The following NXNL2 variants were observed in gnomAD, a reference collection of about 807,000 sequenced individuals.
NXNL2 encodes the protein nucleoredoxin like 2.
NXNL2 carries 7 observed loss-of-function variants against 11.1 expected under a neutral mutation model. The observed-to-expected ratio is 0.63, with a 90% CI of 0.36 to 1.18. The LOEUF (loss-of-function observed/expected upper bound fraction) is 1.18. Among genes scored for constraint, NXNL2 ranks in the 50% most tolerant of loss-of-function variants. The probability of loss-of-function intolerance (pLI) is 0.02; values close to 1 mark genes in which losing one functional copy is unlikely to be tolerated. For missense variants in NXNL2, 233 were observed against 217.7 expected (o/e 1.07, Z -0.44); for synonymous variants, 109 against 101.8 (o/e 1.07, Z -0.42).
At chr9:88,555,340 G>A (rs1172639672) in intron 1 of NXNL2, among the ~76,000 whole-genome samples, 1 of 152,120 alleles carries the variant, frequency 6.6e-6, no homozygotes, top group Admixed American at 6.5e-5. Flanking sequence ...CTCAAAACCC[G>A]GGGTTCCTCC....
intron 1 of NXNL2, 99 bp downstream of exon 1, chr9:88,535,835 C>CA (rs899608782): frequency 1.1e-5 from 10 of 876,154 alleles, no homozygotes; most frequent in Non-Finnish European, 1.7e-5. Flanking sequence ...TATGACGCCC[C>CA]CCCCCAACAC....
At chr9:88,568,429 C>T (rs566740735) in intron 1 of NXNL2, among the ~76,000 whole-genome samples, 1 of 152,228 alleles carries the variant, frequency 6.6e-6, no homozygotes, top group East Asian at 1.9e-4. Flanking sequence ...CCCAGCTCCG[C>T]ACTGGGGAGG....
At chr9:88,566,859 G>A (rs951684257) in intron 1 of NXNL2, among the ~76,000 whole-genome samples, 3 of 151,970 alleles carry the variant, frequency 2.0e-5, no homozygotes, top group Admixed American at 2.0e-4. Flanking sequence ...TGATGCTATT[G>A]AAAATGGTAT....
chr9:88,574,965 C>T (rs1425170073), intron 2 of NXNL2: 1 of 168,524 alleles, frequency 5.9e-6, no homozygotes, highest in Non-Finnish European at 1.2e-5. Context: ...CGTTGCATAA[C>T]TTACTTTAAA....
chr9:88,538,216 T>C (rs1039817260), intron 1 of NXNL2, among the ~76,000 whole-genome samples: 1 of 152,184 alleles, frequency 6.6e-6, no homozygotes, highest in Non-Finnish European at 1.5e-5. Context: ...GCATGGGGAT[T>C]TGAGGGCTGG....
intron 1 of NXNL2, among the ~76,000 whole-genome samples, chr9:88,540,369 A>G (rs1450571922): frequency 6.6e-6 from 1 of 151,496 alleles, no homozygotes; most frequent in African/African-American, 2.4e-5. Flanking sequence ...CAGGATTCTT[A>G]AGATGCTAGA....
At chr9:88,539,968 C>T (rs1356488585) in intron 1 of NXNL2, among the ~76,000 whole-genome samples, 1 of 152,032 alleles carries the variant, frequency 6.6e-6, no homozygotes, top group Non-Finnish European at 1.5e-5. Flanking sequence ...CAGGCGTGAG[C>T]CACCGCACCT....
intron 1 of NXNL2, among the ~76,000 whole-genome samples, 173 bp from the exon 2 acceptor site, chr9:88,544,206 C>T (rs560551806): frequency 2.6e-5 from 4 of 152,062 alleles, no homozygotes; most frequent in Non-Finnish European, 5.9e-5. Flanking sequence ...GAAATAGTAG[C>T]ACCAAGAAGA....
downstream of NXNL2, among the ~76,000 whole-genome samples, chr9:88,578,042 C>T (rs1830366767): frequency 6.6e-6 from 1 of 152,216 alleles, no homozygotes; most frequent in South Asian, 2.1e-4. Flanking sequence ...ATTGGGAAGA[C>T]TTCACGTGAA....
downstream of NXNL2, among the ~76,000 whole-genome samples, chr9:88,576,362 C>T (rs1587857974): frequency 6.6e-6 from 1 of 152,330 alleles, no homozygotes; most frequent in Middle Eastern, 3.4e-3. Flanking sequence ...GCTTCTTTCT[C>T]ACGTTGGGGA....
Position 88,544,582 on chromosome 9 carries a change from T to C in NXNL2, c.*35T>C. 6.7e-7 allele frequency: 1 copy of C among 1,485,180 alleles called. No individual in the cohort carries two copies. The allele number at this position is 1,485,180 out of a possible 1,614,324, so 92.0% of individuals were successfully genotyped here. A position where few individuals can be genotyped will look rare whatever the true frequency, so the allele number is the denominator to read the frequency against. ...GACCTCAGAGGGCCAGGACAGGTGC[T>C]GCTTCTCCAGCACCGACGCTGGGGC... On this transcript the variant is annotated 3_prime_UTR_variant, in exon 2 of 2. Transcript: ENST00000375854.
At chr9:88,569,336 T>G (rs1432349421) in intron 1 of NXNL2, among the ~76,000 whole-genome samples, 2 of 152,206 alleles carry the variant, frequency 1.3e-5, no homozygotes, top group Non-Finnish European at 2.9e-5. Context: ...TTCTTCCTTT[T>G]TTTTCTTCCT....
intron 1 of NXNL2, among the ~76,000 whole-genome samples, chr9:88,556,072 A>G (rs953772250): frequency 6.6e-6 from 1 of 152,148 alleles, no homozygotes; most frequent in Admixed American, 6.5e-5. Flanking sequence ...GCAACCCTGG[A>G]GCCCCAAGCG....
intron 1 of NXNL2, among the ~76,000 whole-genome samples, chr9:88,582,201 G>A (rs1830415388): frequency 6.6e-6 from 1 of 152,220 alleles, no homozygotes; most frequent in African/African-American, 2.4e-5. Context: ...GTCTAGACCT[G>A]GGTGCAGTGG....
intron 1 of NXNL2, among the ~76,000 whole-genome samples, chr9:88,542,628 T>C (rs574242945): frequency 4.6e-5 from 7 of 152,308 alleles, no homozygotes; most frequent in Non-Finnish European, 1.0e-4. Context: ...TCCATTACCA[T>C]TGGTCTGATT....
intron 1 of NXNL2, among the ~76,000 whole-genome samples, chr9:88,560,241 G>A (rs560028374): frequency 3.9e-4 from 59 of 151,866 alleles, no homozygotes; most frequent in Middle Eastern, 3.4e-3. Context: ...TCTGCCAGCG[G>A]GAGGTTCTCC....
rs1406342673 is a variant in NXNL2, at chr9:88,535,690, C to G, written c.256C>G (p.Leu86Val). 1 of 1,601,396 alleles carries G rather than the reference C, an allele frequency of 6.2e-7. No individual in the cohort carries two copies. The highest frequency in any genetic ancestry group is 1.7e-5 in the Admixed American group (1 of 59,330). Reference sequence around the variant, plus strand: ...GGAGATGCTGGACTTCATGCGCGAGCTGCATGGCGCCTGGCTGGCGCTGCC... The same window carrying G: ...GGAGATGCTGGACTTCATGCGCGAGGTGCATGGCGCCTGGCTGGCGCTGCC... ...SQEMLDFMRE[L>V]HGAWLALPFH... Residue 86 changes from leucine to valine, a missense_variant, in exon 1 of 2, where the codon CTG becomes GTG. Transcript: ENST00000375854.
At chr9:88,571,867 C>T (rs1830271207) in intron 2 of NXNL2, among the ~76,000 whole-genome samples, 1 of 152,146 alleles carries the variant, frequency 6.6e-6, no homozygotes, top group African/African-American at 2.4e-5. Context: ...CGGAGACCTT[C>T]AGCCAGGAGA....
At chr9:88,546,691 A>G (rs570035304), downstream of NXNL2, among the ~76,000 whole-genome samples, 6 of 152,162 alleles carry the variant, frequency 3.9e-5, no homozygotes, top group Non-Finnish European at 8.8e-5. Context: ...CTGTGATTAC[A>G]GTCATGAGCC....
Sources: gnomAD v4.1 joint callset for allele counts (sites outside exome capture counted in the v4.1 genomes callset) on GRCh38, gnomAD v4.1.1 for gene constraint, MANE v1.5 for transcripts, NCBI Gene and HGNC (gene_info 2026-07-23, HGNC 2026-07-21) for gene names.